Variants in PACS2 observed in about 807,000 individuals in gnomAD.
PACS2 encodes PACS1-like protein.
In PACS2, 36 loss-of-function variants were observed where a neutral mutation model predicts 113.0. That is an observed-to-expected ratio of 0.32 (90% CI 0.24 to 0.42). The LOEUF (loss-of-function observed/expected upper bound fraction) is 0.42, where lower values mean the gene tolerates loss of function less well. Ranked by LOEUF, PACS2 falls within the 10% of genes least tolerant of loss-of-function variation. The probability of loss-of-function intolerance (pLI) is 1.00; values close to 1 mark genes in which losing one functional copy is unlikely to be tolerated. For missense variants in PACS2, 1,015 were observed against 1,239.5 expected, an observed-to-expected ratio of 0.82 and a Z score of 2.72; for synonymous variants, 589 against 536.1, an observed-to-expected ratio of 1.10 and a Z score of -1.36.
At chr14:105,362,377 A>C (rs782629828) in intron 4 of PACS2, among the ~76,000 whole-genome samples, 27 of 149,600 alleles carry the variant, frequency 1.8e-4, no homozygotes, top group Non-Finnish European at 3.4e-4. Context: ...AGATCGCGCC[A>C]CTGCACTCCA....
Position 105,394,880 on chromosome 14 carries a change from G to A in PACS2, c.*208G>A. The A allele has an allele frequency of 1.8e-6, 1 of 545,588 alleles. No homozygotes were observed. The highest frequency in any genetic ancestry group is 3.3e-6 in the Non-Finnish European group (1 of 301,146). 33.8% of individuals were successfully genotyped at this position (545,588 alleles called of 1,614,324 possible). Reference sequence around the variant, plus strand: ...CTCTGCTTATTAACCCGAACGTTCGGCCCGGGGCTGGGAAGCCAGAAGGAC... The same window carrying A: ...CTCTGCTTATTAACCCGAACGTTCGACCCGGGGCTGGGAAGCCAGAAGGAC... On this transcript the variant is annotated 3_prime_UTR_variant, in exon 25 of 25. Coordinates refer to ENST00000447393, the MANE Select transcript of PACS2 (RefSeq NM_001100913.3).
exon 1 of PACS2, chr14:105,300,798 C>T: frequency 3.2e-6 from 1 of 315,078 alleles, no homozygotes; most frequent in Admixed American, 5.8e-5. Flanking sequence ...CGCGCCCGGG[C>T]CGCGCCGCCC....
At chr14:105,388,267 G>A (rs1225415938) in intron 19 of PACS2, among the ~76,000 whole-genome samples, 2 of 152,238 alleles carry the variant, frequency 1.3e-5, no homozygotes, top group African/African-American at 2.4e-5. Flanking sequence ...GCCAGCCGCC[G>A]TCTCCTCACA....
At chr14:105,314,655 C>T (rs957590493), upstream of PACS2, 2 of 143,762 alleles carry the variant, frequency 1.4e-5, no homozygotes, top group African/African-American at 5.0e-5. Flanking sequence ...ATCGGCGGCG[C>T]CGGCGCGGGT....
chr14:105,320,053 C>T (rs1303769162), intron 1 of PACS2, among the ~76,000 whole-genome samples: 3 of 151,936 alleles, frequency 2.0e-5, no homozygotes, highest in Non-Finnish European at 4.4e-5. Context: ...TCTCAGCTCA[C>T]TGCAACCTCT....
At chr14:105,364,200 G>A (rs2060838604) in intron 4 of PACS2, among the ~76,000 whole-genome samples, 2 of 152,220 alleles carry the variant, frequency 1.3e-5, no homozygotes, top group Non-Finnish European at 2.9e-5. Context: ...ATGCAGGGTT[G>A]CCAAAAGCCT....
chr14:105,337,063 C>T (rs587629048), intron 1 of PACS2, among the ~76,000 whole-genome samples: 8 of 152,320 alleles, frequency 5.3e-5, no homozygotes, highest in Non-Finnish European at 7.3e-5. Context: ...GTCAGCACCG[C>T]GTGGCCCTCC....
chr14:105,384,800 A>T (rs2141260682), intron 17 of PACS2, 79 bp from the exon 18 acceptor site: 1 of 920,178 alleles, frequency 1.1e-6, no homozygotes, highest in South Asian at 1.4e-5. Context: ...TGGGCGGGGC[A>T]CCGGGGAGGC....
chr14:105,309,568 A>G (rs1045972058), upstream of PACS2, among the ~76,000 whole-genome samples: 1 of 152,112 alleles, frequency 6.6e-6, no homozygotes, highest in Non-Finnish European at 1.5e-5. The surrounding 1 kb of genome is among the most constrained non-coding windows in gnomAD (Gnocchi z 4.0). Context: ...TGGGATACCC[A>G]TGAGCCCAGG....
chr14:105,369,745 G>T, intron 7 of PACS2, 96 bp from the exon 8 acceptor site: 1 of 1,053,098 alleles, frequency 9.5e-7, no homozygotes, highest in South Asian at 1.4e-5. Context: ...GCTCTCCCAC[G>T]GCGGGCCTGG....
At chr14:105,304,966 A>C (rs1464668110) in intron 1 of PACS2, among the ~76,000 whole-genome samples, 2 of 152,246 alleles carry the variant, frequency 1.3e-5, no homozygotes. Context: ...GTGGGTACAC[A>C]GAGCCAAATC....
chr14:105,381,902 G>A lies in PACS2; in HGVS notation c.1269-12G>A. 1 of 1,549,728 alleles carries A rather than the reference G, an allele frequency of 6.5e-7. No homozygotes were observed. Among genetic ancestry groups the A allele is most frequent in the Non-Finnish European group, 8.7e-7 (1 of 1,146,286 alleles). On this transcript the variant is annotated splice_polypyrimidine_tract_variant and intron_variant, in intron 12 of 24. Coordinates refer to ENST00000447393, the MANE Select transcript of PACS2 (RefSeq NM_001100913.3). ...CTGCCACAGCCACTTAGCCTGTCCT[G>A]GTCCCCAATAGGTCCGAGGGGAAGC...
In PACS2 at chr14:105,364,702, T is replaced by C. The variant is rs1221131565; in HGVS notation, c.424-2511T>C. ...CCTGAGCAATTTTCTTTTCTTTTTTTTTTTTTTTTTTTGAGACGGGGTCTT... is the reference window on the plus strand; with the variant it reads ...CCTGAGCAATTTTCTTTTCTTTTTTCTTTTTTTTTTTTGAGACGGGGTCTT... On this transcript the variant is annotated intron_variant, in intron 4 of 24. Coordinates refer to ENST00000447393, the MANE Select transcript of PACS2 (RefSeq NM_001100913.3). 3.4e-5 allele frequency among the ~76,000 whole-genome samples: 5 copies of C among 148,412 alleles called. No homozygotes were observed. The East Asian group carries it at 9.7e-4, about 29-fold the overall frequency.
Position 105,376,747 on chromosome 14 carries a change from G to C in PACS2, c.802-21G>C. On this transcript the variant is annotated intron_variant, in intron 8 of 24. Coordinates refer to ENST00000447393, the MANE Select transcript of PACS2 (RefSeq NM_001100913.3). This position sits in a 1 kb window ranked among gnomAD's most constrained non-coding sequence, Gnocchi z 4.7. ...ATGTGGGCTGCTGCAGGGAACTCAC[G>C]CGTGCCTGGCACCCGTGCAGGTCCT... is the stretch of plus-strand genomic sequence containing the variant. 1.2e-6 allele frequency: 2 copies of C among 1,609,812 alleles called. No homozygotes were observed. Among genetic ancestry groups the C allele is most frequent in the Non-Finnish European group, 1.7e-6 (2 of 1,177,878 alleles).
intron 1 of PACS2, among the ~76,000 whole-genome samples, chr14:105,303,898 T>C (rs72711569): frequency 0.033 from 4,965 of 152,276 alleles, 146 homozygotes; most frequent in African/African-American, 0.075. Flanking sequence ...AGGGAGCCCT[T>C]GAGGATGTGA....
intron 1 of PACS2, among the ~76,000 whole-genome samples, chr14:105,338,280 G>A (rs1274949087): frequency 5.3e-5 from 8 of 152,210 alleles, no homozygotes; most frequent in Non-Finnish European, 1.2e-4. Flanking sequence ...GGGCACGCAC[G>A]TGGGGCACTT....
intron 11 of PACS2, 127 bp from the exon 12 acceptor site, chr14:105,380,830 T>G: frequency 1.1e-6 from 1 of 875,026 alleles, no homozygotes; most frequent in Non-Finnish European, 1.7e-6. Context: ...TATGGCCGGG[T>G]CCACATGTAG....
intron 1 of PACS2, among the ~76,000 whole-genome samples, chr14:105,325,169 C>CGGGG (rs200750791): frequency 6.4e-4 from 27 of 41,910 alleles, no homozygotes; most frequent in African/African-American, 1.3e-3. Context: ...GGTGGTGGGA[C>CGGGG]GGGGGGGGGC....
At chr14:105,310,533 CAAAAAAAAAA>C (rs764203821), upstream of PACS2, among the ~76,000 whole-genome samples, 5 of 79,742 alleles carry the variant, frequency 6.3e-5, no homozygotes, top group Non-Finnish European at 9.1e-5. Flanking sequence ...GACTCTGTCT[CAAAAAAAAAA>C]AAAAAAAAAA....
Sources: gnomAD v4.1 joint callset for allele counts (sites outside exome capture counted in the v4.1 genomes callset) on GRCh38, gnomAD v4.1.1 for gene constraint, Gnocchi (gnomAD v3.1) non-coding constraint, MANE v1.5 for transcripts, NCBI Gene and HGNC (gene_info 2026-07-23, HGNC 2026-07-21) for gene names.